The following ADGRE3 variants were observed in gnomAD, a reference collection of about 807,000 sequenced individuals.
ADGRE3 encodes EGF-like module receptor 3.
In ADGRE3, 88 loss-of-function variants were observed where a neutral mutation model predicts 80.1. That is an observed-to-expected ratio of 1.10 (90% CI 0.93 to 1.31). The LOEUF is 1.31. Among genes scored for constraint, ADGRE3 ranks in the 40% most tolerant of loss-of-function variants. The pLI, the probability that ADGRE3 is intolerant of heterozygous loss-of-function variation, is 0.00. For missense variants in ADGRE3, 715 were observed against 776.5 expected (o/e 0.92, Z 0.94); for synonymous variants, 281 against 294.8 (o/e 0.95, Z 0.48).
rs941795161 is a variant in ADGRE3, at chr19:14,631,141, G to A, written c.1644-934C>T. Among the ~76,000 whole-genome samples, 20 of 152,130 alleles carry A rather than the reference G, an allele frequency of 1.3e-4. No homozygotes were observed. In the South Asian group the frequency reaches 4.1e-3, roughly 32 times the overall value. On this transcript the variant is annotated intron_variant, in intron 13 of 15. Coordinates refer to ENST00000253673, the MANE Select transcript of ADGRE3 (RefSeq NM_032571.5). ...CCTGCCTCGGCCTCCCAAAGTGTTG[G>A]GATTACAGGTGTGAGCCACCCCACC...
the ADGRE3 span, chr19:14,600,311 A>G: frequency 3.6e-6 from 4 of 1,111,228 alleles, no homozygotes; most frequent in Non-Finnish European, 5.1e-6. Flanking sequence ...AAACTTTAAC[A>G]GCAAGCTCTT....
At chr19:14,617,839 C>T (rs1238238157), downstream of ADGRE3, among the ~76,000 whole-genome samples, 2 of 151,926 alleles carry the variant, frequency 1.3e-5, no homozygotes, top group African/African-American at 4.8e-5. Context: ...TTCTAAGCCT[C>T]AAATTTGGCT....
chr19:14,642,966 G>C (rs1288181440), intron 9 of ADGRE3, among the ~76,000 whole-genome samples: 1 of 152,124 alleles, frequency 6.6e-6, no homozygotes, highest in Non-Finnish European at 1.5e-5. Flanking sequence ...TTGCTGGGTT[G>C]AATGGTAGTC....
intron 2 of ADGRE3, among the ~76,000 whole-genome samples, chr19:14,668,146 G>A (rs578180567): frequency 6.6e-6 from 1 of 152,250 alleles, no homozygotes; most frequent in African/African-American, 2.4e-5. Context: ...AGCTACTCGG[G>A]AGGCTGAGGC....
At chr19:14,633,959 T>A (rs1970962961) in intron 11 of ADGRE3, among the ~76,000 whole-genome samples, 1 of 151,638 alleles carries the variant, frequency 6.6e-6, no homozygotes, top group Non-Finnish European at 1.5e-5. Flanking sequence ...GCATTTTTAG[T>A]AGAGATGGGG....
chr19:14,672,525 T>C (rs995740563), intron 1 of ADGRE3, among the ~76,000 whole-genome samples: 9 of 151,874 alleles, frequency 5.9e-5, no homozygotes, highest in Admixed American at 2.6e-4. Flanking sequence ...CAGGAAGTCC[T>C]CCACTGATAC....
chr19:14,604,633 C>T, the ADGRE3 span, among the ~76,000 whole-genome samples: 6 of 151,840 alleles, frequency 4.0e-5, no homozygotes, highest in African/African-American at 1.2e-4. Flanking sequence ...CATGGTGGCG[C>T]GTGGCTGTAA....
chr19:14,636,135 T>TTTC (rs1971066337), intron 11 of ADGRE3, among the ~76,000 whole-genome samples: 1 of 90,926 alleles, frequency 1.1e-5, no homozygotes, highest in Non-Finnish European at 2.3e-5. Flanking sequence ...TCTTTCTTTC[T>TTTC]TTCTTTCTTT....
chr19:14,646,472 A>G (rs1421934728), intron 8 of ADGRE3, among the ~76,000 whole-genome samples: 1 of 150,684 alleles, frequency 6.6e-6, no homozygotes, highest in Admixed American at 6.6e-5. Flanking sequence ...ATAATTGTAT[A>G]TATTTATGGG....
downstream of ADGRE3, among the ~76,000 whole-genome samples, chr19:14,615,126 G>A (rs1470501810): frequency 3.3e-5 from 5 of 151,872 alleles, no homozygotes; most frequent in Non-Finnish European, 7.4e-5. Flanking sequence ...GTCATTTAGT[G>A]GGTAAATGGC....
intron 11 of ADGRE3, 89 bp downstream of exon 11, chr19:14,638,016 T>G (rs1971145618): frequency 1.1e-6 from 1 of 907,930 alleles, no homozygotes; most frequent in African/African-American, 1.6e-5. Flanking sequence ...AGTGCATTGG[T>G]TACGTATATT....
At position 14,672,865 on chromosome 19, in the gene ADGRE3, T is replaced by TG. The variant is rs113470593; in HGVS notation, c.25+1880dup. ...CCTGGCTCAAGCAATCTTCCCGCCT[T>TG]GCCTTCCAAAGCTTTGGGATTATAG... On this transcript the variant is annotated intron_variant, in intron 1 of 15. Coordinates refer to ENST00000253673, the MANE Select transcript of ADGRE3 (RefSeq NM_032571.5). Among the ~76,000 whole-genome samples the TG allele has an allele frequency of 7.7e-3, 1,170 of 152,204 alleles. 15 individuals carry two copies. The highest frequency in any genetic ancestry group is 0.027 in the African/African-American group (1,133 of 41,524).
chr19:14,651,233 G>T, intron 6 of ADGRE3, 29 bp from the exon 7 acceptor site: 1 of 1,613,494 alleles, frequency 6.2e-7, no homozygotes, highest in Non-Finnish European at 8.5e-7. Context: ...GGCAGGCTTA[G>T]TGATATTGTA....
At chr19:14,666,070 G>A (rs1199078707) in intron 2 of ADGRE3, among the ~76,000 whole-genome samples, 1 of 148,202 alleles carries the variant, frequency 6.7e-6, no homozygotes, top group Non-Finnish European at 1.5e-5. Flanking sequence ...ACATGCTTGT[G>A]CAAGTATGTT....
chr19:14,643,476 G>T (rs1336705889), intron 9 of ADGRE3, among the ~76,000 whole-genome samples: 5 of 151,854 alleles, frequency 3.3e-5, no homozygotes, highest in Admixed American at 3.3e-4. Flanking sequence ...GGGTCCTATA[G>T]TCTGAGCAAC....
At chr19:14,608,098 C>A in the ADGRE3 span, among the ~76,000 whole-genome samples, 1 of 151,888 alleles carries the variant, frequency 6.6e-6, no homozygotes, top group Non-Finnish European at 1.5e-5. Context: ...TTTTGAACTT[C>A]TGAGCTCAAG....
At chr19:14,617,837 C>T (rs2075091509), downstream of ADGRE3, among the ~76,000 whole-genome samples, 1 of 151,858 alleles carries the variant, frequency 6.6e-6, no homozygotes, top group South Asian at 2.1e-4. Flanking sequence ...TCTTCTAAGC[C>T]TCAAATTTGG....
chr19:14,638,020 G>T, intron 11 of ADGRE3, 85 bp downstream of exon 11: 1 of 950,570 alleles, frequency 1.1e-6, no homozygotes, highest in Non-Finnish European at 1.7e-6. Context: ...CATTGGTTAC[G>T]TATATTCCCA....
chr19:14,617,686 C>T (rs562138315), downstream of ADGRE3, among the ~76,000 whole-genome samples: 2 of 152,184 alleles, frequency 1.3e-5, no homozygotes, highest in African/African-American at 4.8e-5. Flanking sequence ...GCGTGAGCCA[C>T]TGCACCCGGC....
Sources: gnomAD v4.1 joint callset for allele counts (sites outside exome capture counted in the v4.1 genomes callset) on GRCh38, gnomAD v4.1.1 for gene constraint, MANE v1.5 for transcripts, NCBI Gene and HGNC (gene_info 2026-07-23, HGNC 2026-07-21) for gene names.